Variants in NMT1 observed in about 807,000 individuals in gnomAD.
The protein encoded by NMT1 is glycylpeptide N-tetradecanoyltransferase 1.
NMT1 carries 12 observed loss-of-function variants against 63.4 expected under a neutral mutation model. The ratio of observed to expected loss-of-function variants is 0.19; its 90% CI spans 0.12 to 0.31. The LOEUF (loss-of-function observed/expected upper bound fraction) is 0.31, where lower values mean the gene tolerates loss of function less well. Ranked by LOEUF, NMT1 falls within the 10% of genes least tolerant of loss-of-function variation. The probability of loss-of-function intolerance (pLI) is 1.00; values close to 1 mark genes in which losing one functional copy is unlikely to be tolerated. For missense variants in NMT1, 432 were observed against 634.6 expected, an observed-to-expected ratio of 0.68 and a Z score of 3.43; for synonymous variants, 228 against 234.3, an observed-to-expected ratio of 0.97 and a Z score of 0.25.
intron 1 of NMT1, among the ~76,000 whole-genome samples, chr17:45,077,277 A>G (rs1054674208): frequency 9.9e-5 from 15 of 152,112 alleles, no homozygotes; most frequent in African/African-American, 3.6e-4. Flanking sequence ...GAACCAGCTA[A>G]TTTGTGGTTA....
rs778279028 is a variant in NMT1 at position 45,104,831 on chromosome 17, G to A, written c.1333-28G>A. The A allele has an allele frequency of 3.1e-6, 5 of 1,613,828 alleles. No individual in the cohort carries two copies. Among genetic ancestry groups the A allele is most frequent in the Non-Finnish European group, 4.2e-6 (5 of 1,179,842 alleles). The stretch of plus-strand genomic sequence containing the variant: ...AGGCTGTCCCCACCTGTCCTCACCT[G>A]TTCTTGTTTGTCCCTGCTGCTTTGC... On this transcript the variant is annotated intron_variant, in intron 10 of 11. Coordinates refer to ENST00000258960, the MANE Select transcript of NMT1 (RefSeq NM_021079.5). The surrounding 1 kb of genome is among the most constrained non-coding windows in gnomAD (Gnocchi z 4.2).
chr17:45,077,146 C>A (rs1239107673), intron 1 of NMT1, among the ~76,000 whole-genome samples: 1 of 152,076 alleles, frequency 6.6e-6, no homozygotes, highest in Non-Finnish European at 1.5e-5. Context: ...TAGTAAGTAT[C>A]CAGTTGGTTA....
At chr17:45,081,025 C>T (rs981527285) in intron 1 of NMT1, among the ~76,000 whole-genome samples, 4 of 152,224 alleles carry the variant, frequency 2.6e-5, no homozygotes, top group Admixed American at 2.6e-4. Context: ...GCCTCGGCCT[C>T]CCAAAGTGTT....
intron 1 of NMT1, among the ~76,000 whole-genome samples, chr17:45,064,964 G>A (rs969313255): frequency 9.9e-5 from 15 of 152,074 alleles, no homozygotes; most frequent in African/African-American, 3.1e-4. Flanking sequence ...TCTTCAGATC[G>A]TCCCTAACCT....
Position 45,099,056 on chromosome 17 carries a change from A to G in NMT1, c.885-349A>G, listed in dbSNP as rs1235225785. On this transcript the variant is annotated intron_variant, in intron 7 of 11. Transcript: ENST00000258960. ...ACACCAGGTGTGAAAGCAGAAGGGG[A>G]GGAGGGAGGAGGGTGAGTGCCTCTG... Among the ~76,000 whole-genome samples the G allele has an allele frequency of 2.6e-5, 4 of 152,266 alleles. No individual in the cohort carries two copies. The East Asian group carries it at 7.7e-4, about 29-fold the overall frequency.
chr17:45,104,908 T>A lies in NMT1; in HGVS notation c.1382T>A (p.Phe461Tyr). ...NALDLMENKTFLEKLKFGIGD... is the reference protein window; with the variant it reads ...NALDLMENKTYLEKLKFGIGD... ...CTGGATCTCATGGAGAACAAAACCT[T>A]CCTGGAGAAGCTCAAGTTTGGCATA... The change falls in exon 11 of 12, where the codon TTC (phenylalanine) becomes TAC (tyrosine). Residue 461 changes from phenylalanine (F) to tyrosine (Y), a missense_variant. Around this residue, in one of 4 missense-constraint regions of NMT1, gnomAD observed 295 missense variants for 489.7 expected, o/e 0.60. Coordinates refer to ENST00000258960, the MANE Select transcript of NMT1 (RefSeq NM_021079.5). The surrounding 1 kb of genome is among the most constrained non-coding windows in gnomAD (Gnocchi z 4.2). 6.2e-7 allele frequency: 1 copy of A among 1,614,146 alleles called. No homozygotes were observed. The highest frequency in any genetic ancestry group is 1.3e-5 in the African/African-American group (1 of 75,012).
chr17:45,103,243 T>G lies in NMT1; in HGVS notation c.1164+122T>G. The G allele has an allele frequency of 2.1e-6, 2 of 966,476 alleles. No individual in the cohort carries two copies. The highest frequency in any genetic ancestry group is 3.1e-6 in the Non-Finnish European group (2 of 643,030). The allele number at this position is 966,476 out of a possible 1,614,324, so 59.9% of individuals were successfully genotyped here. On this transcript the variant is annotated intron_variant, in intron 9 of 11. Coordinates refer to ENST00000258960, the MANE Select transcript of NMT1 (RefSeq NM_021079.5). The surrounding 1 kb of genome is among the most constrained non-coding windows in gnomAD (Gnocchi z 4.8). Reference sequence around the variant, plus strand: ...GACTTCCTTGACCATCCGTGTTTGGTCCTCCCTAAAAACAGGGAGTTGGTG... The same window carrying G: ...GACTTCCTTGACCATCCGTGTTTGGGCCTCCCTAAAAACAGGGAGTTGGTG...
At chr17:45,068,256 G>A (rs911598761) in intron 1 of NMT1, among the ~76,000 whole-genome samples, 3 of 152,170 alleles carry the variant, frequency 2.0e-5, no homozygotes, top group Admixed American at 1.3e-4. Context: ...CAGATCACTT[G>A]AGGTCAGGAG....
chr17:45,108,480 C>G lies in NMT1; in HGVS notation c.*2841C>G, dbSNP rs924334554. 2.0e-5 allele frequency: 3 copies of G among 152,680 alleles called. No individual in the cohort carries two copies. Among genetic ancestry groups the G allele is most frequent in the African/African-American group, 7.2e-5 (3 of 41,464 alleles). The allele number at this position is 152,680 out of a possible 1,614,324, so 9.5% of individuals were successfully genotyped here. ...CTAACTGCTGTCGCCCCCCTACTTGCTGGCTCTCAGAAGCCTAGGGGAGTC... is the reference window on the plus strand; with the variant it reads ...CTAACTGCTGTCGCCCCCCTACTTGGTGGCTCTCAGAAGCCTAGGGGAGTC... On this transcript the variant is annotated 3_prime_UTR_variant, in exon 12 of 12. Transcript: ENST00000258960.
In NMT1 at chr17:45,081,713, A is replaced by G. The variant is rs141656657; in HGVS notation, c.201A>G (p.Lys67=). Residue 67 remains lysine (K), a synonymous_variant, in exon 2 of 12, where the codon AAA becomes AAG. Transcript: ENST00000258960. Reference sequence around the variant, plus strand: ...AGAAACAAAAAAAGAAGAAAGAAAAAGGCAGTGAGACAGATTCAGCCCAGG... The same window carrying G: ...AGAAACAAAAAAAGAAGAAAGAAAAGGGCAGTGAGACAGATTCAGCCCAGG... The part of the protein sequence containing the change: ...KKKKQKKKKE[K]GSETDSAQDQ... 7.4e-5 allele frequency: 118 copies of G among 1,598,476 alleles called. 2 individuals carry two copies. The East Asian group carries it at 2.6e-3, about 36-fold the overall frequency.
intron 2 of NMT1, among the ~76,000 whole-genome samples, chr17:45,083,335 T>C (rs1277994578): frequency 6.7e-6 from 1 of 150,114 alleles, no homozygotes; most frequent in Non-Finnish European, 1.5e-5. Flanking sequence ...AAAAAAAAAT[T>C]AAAAAAAAAT....
chr17:45,064,483 A>G (rs544809300), intron 1 of NMT1, among the ~76,000 whole-genome samples: 3 of 152,308 alleles, frequency 2.0e-5, no homozygotes, highest in East Asian at 3.9e-4. Context: ...AATGTGGGAA[A>G]ATGCAGCACG....
chr17:45,093,433 G>C lies in NMT1; in HGVS notation c.386-252G>C, dbSNP rs563903507. Among the ~76,000 whole-genome samples, 8 of 152,390 alleles carry C rather than the reference G, an allele frequency of 5.2e-5. No individual in the cohort carries two copies. In the South Asian group the frequency reaches 1.7e-3, roughly 32 times the overall value. On this transcript the variant is annotated intron_variant, in intron 3 of 11. Transcript: ENST00000258960. Reference sequence around the variant, plus strand: ...GTTTGTCATTCAGTGACCCAAGGGAGATTTAAATGGATTTCCAAAACACGA... The same window carrying C: ...GTTTGTCATTCAGTGACCCAAGGGACATTTAAATGGATTTCCAAAACACGA...
intron 1 of NMT1, among the ~76,000 whole-genome samples, chr17:45,074,680 G>A (rs1427165925): frequency 6.6e-6 from 1 of 152,144 alleles, no homozygotes; most frequent in Non-Finnish European, 1.5e-5. Flanking sequence ...TTCTGGGGGA[G>A]GAGGCACTTC....
In NMT1 at chr17:45,091,237, C is replaced by CACGT. The variant is rs1555606665; in HGVS notation, c.386-2448_386-2447insACGT. On this transcript the variant is annotated intron_variant, in intron 3 of 11. Transcript: ENST00000258960. ...ACACACACACACACACACACACACACGTCCCATAGCACCCTGTACTTCATT... is the reference window on the plus strand; with the variant it reads ...ACACACACACACACACACACACACACACGTGTCCCATAGCACCCTGTACTTCATT... Among the ~76,000 whole-genome samples the CACGT allele has an allele frequency of 2.0e-3, 290 of 148,434 alleles. 2 individuals carry two copies. Among genetic ancestry groups the CACGT allele is most frequent in the Middle Eastern group, 6.8e-3 (2 of 292 alleles).
intron 8 of NMT1, among the ~76,000 whole-genome samples, chr17:45,101,702 A>G (rs2054167805): frequency 6.6e-6 from 1 of 151,404 alleles, no homozygotes; most frequent in African/African-American, 2.4e-5. Context: ...TCATCAGTGC[A>G]CACAGTCACT....
chr17:45,103,228 AC>A lies in NMT1; in HGVS notation c.1164+109del. The A allele has an allele frequency of 2.8e-6, 3 of 1,088,000 alleles. No homozygotes were observed. Among genetic ancestry groups the A allele is most frequent in the Non-Finnish European group, 4.0e-6 (3 of 743,414 alleles). 67.4% of individuals were successfully genotyped at this position (1,088,000 alleles called of 1,614,324 possible). On this transcript the variant is annotated intron_variant, in intron 9 of 11. Transcript: ENST00000258960. The surrounding 1 kb of genome is among the most constrained non-coding windows in gnomAD (Gnocchi z 4.8). ...AGTGTTGGCACCTTAGACTTCCTTGACCATCCGTGTTTGGTCCTCCCTAAAA... is the reference window on the plus strand; with the variant it reads ...AGTGTTGGCACCTTAGACTTCCTTGACATCCGTGTTTGGTCCTCCCTAAAA...
chr17:45,085,621 T>G (rs2054046926), intron 2 of NMT1, among the ~76,000 whole-genome samples: 1 of 152,196 alleles, frequency 6.6e-6, no homozygotes, highest in Non-Finnish European at 1.5e-5. Context: ...TCTTACACAT[T>G]TCTGCATTGT....
At position 45,105,334 on chromosome 17, in the gene NMT1, G is replaced by A. The variant is rs2054195448; in HGVS notation, c.1471-285G>A. On this transcript the variant is annotated intron_variant, in intron 11 of 11. Coordinates refer to ENST00000258960, the MANE Select transcript of NMT1 (RefSeq NM_021079.5). This position sits in a 1 kb window ranked among gnomAD's most constrained non-coding sequence, Gnocchi z 4.2. ...ACTCTGAGGAGGTTTCCTCTCCTGAGCTGCTGCCCTCTTCTGGCATGACAC... is the reference window on the plus strand; with the variant it reads ...ACTCTGAGGAGGTTTCCTCTCCTGAACTGCTGCCCTCTTCTGGCATGACAC... Among the ~76,000 whole-genome samples the A allele has an allele frequency of 6.6e-6, 1 of 152,190 alleles. No homozygotes were observed. Among genetic ancestry groups the A allele is most frequent in the South Asian group, 2.1e-4 (1 of 4,826 alleles).
Sources: gnomAD v4.1 joint callset for allele counts (sites outside exome capture counted in the v4.1 genomes callset) on GRCh38, gnomAD v4.1.1 for gene constraint, gnomAD v4.1.1 regional missense constraint, Gnocchi (gnomAD v3.1) non-coding constraint, MANE v1.5 for transcripts, NCBI Gene and HGNC (gene_info 2026-07-23, HGNC 2026-07-21) for gene names.